The following GLO1 variants were observed in gnomAD, a reference collection of about 807,000 sequenced individuals.
GLO1 encodes lactoylglutathione lyase.
Under a neutral mutation model 26.0 loss-of-function variants are expected in GLO1, and 28 were observed. That is an observed-to-expected ratio of 1.08 (90% CI 0.80 to 1.48). The LOEUF is 1.48. Ranked by LOEUF, GLO1 falls within the 40% of genes most tolerant of loss-of-function variation. GLO1 has a pLI of 0.00. For missense variants in GLO1, 225 were observed against 224.8 expected (o/e 1.00, Z -0.01); for synonymous variants, 78 against 77.6 (o/e 1.00, Z -0.03).
chr6:38,678,192 A>G (rs1431876133), intron 5 of GLO1, among the ~76,000 whole-genome samples: 1 of 152,162 alleles, frequency 6.6e-6, no homozygotes, highest in African/African-American at 2.4e-5. Context: ...AAATGGAAAA[A>G]TATGACCTCA....
chr6:38,700,102 C>T (rs1335009705), intron 1 of GLO1, among the ~76,000 whole-genome samples: 2 of 152,228 alleles, frequency 1.3e-5, no homozygotes, highest in Non-Finnish European at 2.9e-5. Context: ...GATGTCACCC[C>T]CCGGCAGCCC....
At chr6:38,691,836 C>T (rs1012480314) in intron 1 of GLO1, among the ~76,000 whole-genome samples, 4 of 151,942 alleles carry the variant, frequency 2.6e-5, no homozygotes, top group African/African-American at 4.8e-5. Flanking sequence ...TTTGTTGAGG[C>T]TATCCTCCCT....
intron 1 of GLO1, among the ~76,000 whole-genome samples, chr6:38,698,488 T>C (rs1340934785): frequency 6.8e-6 from 1 of 147,780 alleles, no homozygotes; most frequent in Non-Finnish European, 1.5e-5. Context: ...ATTTTTTATA[T>C]TTTTATATAT....
chr6:38,688,409 G>A (rs955031105), intron 1 of GLO1, among the ~76,000 whole-genome samples: 3 of 138,482 alleles, frequency 2.2e-5, no homozygotes, highest in African/African-American at 7.9e-5. Context: ...GCCATGATGT[G>A]ATACCAAAAT....
rs200983428 is a variant in GLO1 at position 38,690,541 on chromosome 6, TTA to T, written c.85-3569_85-3568del. Among the ~76,000 whole-genome samples, 1,231 of 146,230 alleles carry T rather than the reference TTA, an allele frequency of 8.4e-3. 18 individuals carry two copies. Among genetic ancestry groups the T allele is most frequent in the African/African-American group, 0.027 (1,128 of 41,296 alleles). On this transcript the variant is annotated intron_variant, in intron 1 of 5. Transcript: ENST00000373365. ...AATGGTATATTAGCTTTTAAAAACA[TTA>T]TATATATATACACACACACATGCAT... is the stretch of plus-strand genomic sequence containing the variant.
At chr6:38,696,856 T>C (rs1761618131) in intron 1 of GLO1, among the ~76,000 whole-genome samples, 2 of 152,166 alleles carry the variant, frequency 1.3e-5, no homozygotes, top group Non-Finnish European at 2.9e-5. Flanking sequence ...CTTTAGAGAC[T>C]ATCTACTTTG....
chr6:38,689,030 G>A (rs973185580), intron 1 of GLO1, among the ~76,000 whole-genome samples: 2 of 152,206 alleles, frequency 1.3e-5, no homozygotes, highest in African/African-American at 4.8e-5. Context: ...TGCTGGCTCT[G>A]AGACATGGGG....
At position 38,684,477 on chromosome 6, in the gene GLO1, A is replaced by G. The variant is rs748518096; in HGVS notation, c.205T>C (p.Ser69Pro). Residue 69 changes from serine to proline, a missense_variant, in exon 3 of 6, where the codon TCA becomes CCA. Coordinates refer to ENST00000373365, the MANE Select transcript of GLO1 (RefSeq NM_006708.3). ...QKCDFPIMKF[S>P]LYFLAYEDKN... Reference sequence around the variant, plus strand: ...TCCTCATAAGCCAAGAAGTAGAGTGAAAACTTCATAATGGGAAAATCACAT... The same window carrying G: ...TCCTCATAAGCCAAGAAGTAGAGTGGAAACTTCATAATGGGAAAATCACAT... The G allele has an allele frequency of 4.5e-6, 7 of 1,562,716 alleles. No individual in the cohort carries two copies. Among genetic ancestry groups the G allele is most frequent in the Non-Finnish European group, 5.2e-6 (6 of 1,155,696 alleles).
chr6:38,701,812 G>A (rs931322863), intron 1 of GLO1, among the ~76,000 whole-genome samples: 2 of 151,990 alleles, frequency 1.3e-5, no homozygotes, highest in Non-Finnish European at 2.9e-5. Flanking sequence ...AGGTCTGCAC[G>A]AAGCACATAT....
intron 1 of GLO1, among the ~76,000 whole-genome samples, chr6:38,699,843 G>C (rs1371949545): frequency 2.0e-5 from 3 of 152,146 alleles, no homozygotes; most frequent in Non-Finnish European, 4.4e-5. Context: ...GCTGAACATA[G>C]ACCCTTATCA....
At chr6:38,678,755 G>A (rs1375411270) in intron 5 of GLO1, among the ~76,000 whole-genome samples, 1 of 152,186 alleles carries the variant, frequency 6.6e-6, no homozygotes, top group African/African-American at 2.4e-5. Context: ...CCAGGGCTAG[G>A]GAATAACACT....
intron 5 of GLO1, among the ~76,000 whole-genome samples, chr6:38,679,447 T>C (rs909062381): frequency 6.6e-6 from 1 of 152,022 alleles, no homozygotes. Context: ...CCCAAAGTGC[T>C]GCAATTACAG....
At chr6:38,683,139 C>A (rs1458932694) in intron 3 of GLO1, 1 of 374,976 alleles carries the variant, frequency 2.7e-6, no homozygotes, top group South Asian at 6.0e-5. Context: ...GTGCTAAGTA[C>A]TTTATATTTC....
At chr6:38,677,713 C>T (rs1268780509) in intron 5 of GLO1, among the ~76,000 whole-genome samples, 3 of 152,072 alleles carry the variant, frequency 2.0e-5, no homozygotes, top group African/African-American at 7.2e-5. Flanking sequence ...CTGCACCTGG[C>T]CTTAAAAACT....
intron 1 of GLO1, among the ~76,000 whole-genome samples, chr6:38,687,758 T>C (rs1761477241): frequency 6.6e-6 from 1 of 152,212 alleles, no homozygotes; most frequent in South Asian, 2.1e-4. Context: ...CTGTCGATAT[T>C]CATACCCCAT....
chr6:38,699,351 G>A (rs563313962), intron 1 of GLO1, among the ~76,000 whole-genome samples: 292 of 152,264 alleles, frequency 1.9e-3, no homozygotes, highest in African/African-American at 6.3e-3. Flanking sequence ...GGACCACTGA[G>A]ATAATTGTGT....
chr6:38,696,336 C>T (rs1761610630), intron 1 of GLO1, among the ~76,000 whole-genome samples: 1 of 151,530 alleles, frequency 6.6e-6, no homozygotes, highest in Admixed American at 6.6e-5. Flanking sequence ...TAAGAGGTTA[C>T]ATCTTAAAGT....
chr6:38,678,314 AAGAG>A (rs768423944), intron 5 of GLO1, among the ~76,000 whole-genome samples: 108 of 134,746 alleles, frequency 8.0e-4, no homozygotes, highest in Admixed American at 3.1e-3. Flanking sequence ...AAAAGAAAGA[AAGAG>A]AGAAAGAGAA....
chr6:38,690,059 G>A (rs1761509940), intron 1 of GLO1, among the ~76,000 whole-genome samples: 1 of 151,978 alleles, frequency 6.6e-6, no homozygotes, highest in South Asian at 2.1e-4. Context: ...TCTTGACCTC[G>A]TGATCCGCCT....
Sources: allele counts gnomAD v4.1 joint callset (sites outside exome capture counted in the v4.1 genomes callset), GRCh38; gene constraint gnomAD v4.1.1; transcripts MANE v1.5; gene names NCBI Gene and HGNC (gene_info 2026-07-23, HGNC 2026-07-21).